Variants in SOX5 observed in about 807,000 individuals in gnomAD.
SOX5 encodes SRY-box transcription factor 5.
SOX5 carries 9 observed loss-of-function variants against 92.0 expected under a neutral mutation model. The observed-to-expected ratio is 0.10, with a 90% CI of 0.06 to 0.17. The LOEUF (loss-of-function observed/expected upper bound fraction) is 0.17, where lower values mean the gene tolerates loss of function less well. Ranked by LOEUF, SOX5 falls within the 10% of genes least tolerant of loss-of-function variation. The pLI, the probability that SOX5 is intolerant of heterozygous loss-of-function variation, is 1.00. For synonymous variants in SOX5, 344 were observed against 336.3 expected, an observed-to-expected ratio of 1.02 and a Z score of -0.25; for missense variants, 642 against 944.5, an observed-to-expected ratio of 0.68 and a Z score of 4.20.
chr12:24,006,684 C>A (rs1474578106), intron 4 of SOX5, among the ~76,000 whole-genome samples: 2 of 151,940 alleles, frequency 1.3e-5, no homozygotes, highest in African/African-American at 4.8e-5. Context: ...TCCATATTCT[C>A]CGATATTACC....
At chr12:23,913,572 C>G (rs1396482641) in intron 1 of SOX5, among the ~76,000 whole-genome samples, 1 of 151,806 alleles carries the variant, frequency 6.6e-6, no homozygotes, top group Non-Finnish European at 1.5e-5. Context: ...CCCGTCTCTA[C>G]TAAAAATACA....
chr12:24,289,297 C>CA (rs1946319375), intron 2 of SOX5, among the ~76,000 whole-genome samples: 1 of 151,278 alleles, frequency 6.6e-6, no homozygotes, highest in Non-Finnish European at 1.5e-5. Flanking sequence ...AAAACAAAAA[C>CA]AAAAAAGAAT....
At chr12:24,348,970 A>T (rs2141143544) in intron 2 of SOX5, among the ~76,000 whole-genome samples, 2 of 152,276 alleles carry the variant, frequency 1.3e-5, no homozygotes, top group Non-Finnish European at 2.9e-5. Context: ...AGCCATGTGG[A>T]ACTGTGAGTC....
At chr12:24,292,901 C>A (rs1237279544) in intron 2 of SOX5, among the ~76,000 whole-genome samples, 1 of 152,144 alleles carries the variant, frequency 6.6e-6, no homozygotes, top group Non-Finnish European at 1.5e-5. Context: ...GAGAGATGAC[C>A]TCTGGCCCTA....
intron 1 of SOX5, among the ~76,000 whole-genome samples, chr12:24,484,357 A>G (rs184340329): frequency 5.1e-4 from 78 of 152,350 alleles, no homozygotes; most frequent in South Asian, 1.2e-3. Flanking sequence ...CCTGAATTAA[A>G]AATGAGTCAC....
At chr12:23,740,586 A>G (rs927445716) in intron 5 of SOX5, among the ~76,000 whole-genome samples, 2 of 152,132 alleles carry the variant, frequency 1.3e-5, no homozygotes, top group Non-Finnish European at 2.9e-5. Context: ...TTGACTCTCC[A>G]TGGTTCTTTT....
At chr12:24,257,829 C>T (rs777284451) in intron 3 of SOX5, among the ~76,000 whole-genome samples, 2 of 151,976 alleles carry the variant, frequency 1.3e-5, no homozygotes, top group Non-Finnish European at 2.9e-5. Flanking sequence ...GTTGATGGTG[C>T]TTTTAATTGT....
intron 4 of SOX5, among the ~76,000 whole-genome samples, chr12:24,165,803 A>C (rs556838634): frequency 6.6e-6 from 1 of 152,232 alleles, no homozygotes; most frequent in Non-Finnish European, 1.5e-5. Context: ...AAAGGGTAGT[A>C]GTTATTAGTT....
chr12:24,347,135 G>A (rs1284899087), intron 2 of SOX5, among the ~76,000 whole-genome samples: 2 of 151,980 alleles, frequency 1.3e-5, no homozygotes, highest in Non-Finnish European at 2.9e-5. Flanking sequence ...AAAATATTTG[G>A]GGAAAAAAAT....
At chr12:23,776,755 G>A (rs1029585754) in intron 3 of SOX5, among the ~76,000 whole-genome samples, 2 of 152,018 alleles carry the variant, frequency 1.3e-5, no homozygotes, top group Non-Finnish European at 2.9e-5. Flanking sequence ...AATAGGATTC[G>A]TGTGCCTATA....
chr12:24,401,981 C>T (rs1242993307), intron 1 of SOX5, among the ~76,000 whole-genome samples: 1 of 152,098 alleles, frequency 6.6e-6, no homozygotes, highest in African/African-American at 2.4e-5. Context: ...CACCTACCTC[C>T]TAATGCTCCC....
chr12:23,871,067 T>G (rs1235242040), intron 2 of SOX5, among the ~76,000 whole-genome samples: 1 of 152,110 alleles, frequency 6.6e-6, no homozygotes, highest in African/African-American at 2.4e-5. Context: ...AATAAAACTT[T>G]TAAGGTGTAT....
intron 6 of SOX5, among the ~76,000 whole-genome samples, chr12:23,667,117 G>T (rs2083941670): frequency 1.3e-5 from 2 of 152,056 alleles, no homozygotes; most frequent in African/African-American, 4.8e-5. Flanking sequence ...GGCAATGTGT[G>T]TGTGGTGGTG....
chr12:24,044,415 C>G (rs2137033670), intron 4 of SOX5, among the ~76,000 whole-genome samples: 1 of 152,278 alleles, frequency 6.6e-6, no homozygotes, highest in Non-Finnish European at 1.5e-5. Flanking sequence ...GCAAGGATTA[C>G]CAGAGAAGAC....
rs1301188269 is a variant in SOX5 at position 23,949,445 on chromosome 12, C to A, written c.38+119G>T. ...AATCAGCTAACAAGATTGCAGAAGC[C>A]CTAGCTAAAGGCTTCTCTAACAAAC... On this transcript the variant is annotated intron_variant, in intron 1 of 14. Transcript: ENST00000451604. The A allele has an allele frequency of 4.1e-6, 5 of 1,215,320 alleles. No homozygotes were observed. In the African/African-American group the frequency reaches 7.5e-5, roughly 18 times the overall value. The allele number at this position is 1,215,320 out of a possible 1,614,324, so 75.3% of individuals were successfully genotyped here. A position where few individuals can be genotyped will look rare whatever the true frequency, so the allele number is the denominator to read the frequency against.
intron 1 of SOX5, among the ~76,000 whole-genome samples, chr12:24,510,794 CT>C (rs1261258714): frequency 6.6e-6 from 1 of 152,180 alleles, no homozygotes; most frequent in East Asian, 1.9e-4. Context: ...TTTGAGGTAT[CT>C]GGCCTCAACA....
At chr12:23,817,494 G>A (rs2142601769) in intron 3 of SOX5, among the ~76,000 whole-genome samples, 1 of 152,260 alleles carries the variant, frequency 6.6e-6, no homozygotes, top group Non-Finnish European at 1.5e-5. Context: ...TGAATAGTTT[G>A]AAAATATCCA....
At chr12:23,678,808 T>C (rs918620974) in intron 6 of SOX5, among the ~76,000 whole-genome samples, 1 of 152,134 alleles carries the variant, frequency 6.6e-6, no homozygotes, top group Non-Finnish European at 1.5e-5. Context: ...CAGGCCAGCC[T>C]ACCTACAAAC....
At chr12:24,272,349 C>T (rs1007178265) in intron 3 of SOX5, among the ~76,000 whole-genome samples, 19 of 152,060 alleles carry the variant, frequency 1.2e-4, no homozygotes, top group African/African-American at 4.6e-4. Flanking sequence ...TCTTTTTCAA[C>T]CCTAATAACT....
Sources: gnomAD v4.1 joint callset for allele counts (sites outside exome capture counted in the v4.1 genomes callset) on GRCh38, gnomAD v4.1.1 for gene constraint, MANE v1.5 for transcripts, NCBI Gene and HGNC (gene_info 2026-07-23, HGNC 2026-07-21) for gene names.